CAST: variants seen among roughly 807,000 people sequenced by gnomAD.
CAST encodes the protein calpastatin.
A neutral mutation model predicts 119.6 loss-of-function variants in CAST; 76 were observed. The observed-to-expected ratio is 0.64, with a 90% CI of 0.53 to 0.77. The LOEUF (loss-of-function observed/expected upper bound fraction) is 0.77, where lower values mean the gene tolerates loss of function less well. Ranked by LOEUF, CAST falls within the 30% of genes least tolerant of loss-of-function variation. The probability of loss-of-function intolerance (pLI) is 0.00; values close to 1 mark genes in which losing one functional copy is unlikely to be tolerated. For missense variants in CAST, 953 were observed against 946.5 expected (o/e 1.01, Z -0.09); for synonymous variants, 319 against 331.6 (o/e 0.96, Z 0.41).
chr5:96,718,468 A>T (rs183451834), intron 3 of CAST, among the ~76,000 whole-genome samples: 1 of 152,196 alleles, frequency 6.6e-6, no homozygotes. Context: ...GCGATGAAAT[A>T]ATCTGTCCAC....
At chr5:96,654,185 GGCTAAATTTTTTT>G (rs1280299494) in intron 1 of CAST, among the ~76,000 whole-genome samples, 1 of 151,734 alleles carries the variant, frequency 6.6e-6, no homozygotes, top group Non-Finnish European at 1.5e-5. Context: ...CACCATGCCT[GGCTAAATTTTTTT>G]GTATTTTTAG....
At chr5:96,289,001 A>C in the CAST span, among the ~76,000 whole-genome samples, 1 of 152,152 alleles carries the variant, frequency 6.6e-6, no homozygotes, top group Non-Finnish European at 1.5e-5. Flanking sequence ...TTTGGATTGC[A>C]AAACCCACTG....
chr5:96,717,844 G>C (rs1349102673), intron 3 of CAST, among the ~76,000 whole-genome samples: 1 of 152,180 alleles, frequency 6.6e-6, no homozygotes, highest in Non-Finnish European at 1.5e-5. Flanking sequence ...AGGACTTATT[G>C]ATATTTCATC....
rs563299480 is a variant in CAST at position 96,695,900 on chromosome 5, C to A, written c.203C>A (p.Ala68Asp). Residue 68 changes from alanine to aspartate, a missense_variant, in exon 3 of 32, where the codon GCC (alanine) becomes GAC (aspartate). Transcript: ENST00000675179. ...SRTYAGGTAS[A>D]TKVSASSGAT... ...ACCTATGCTGGTGGAACAGCCTCGG[C>A]CACCAAGGTCAGTGATTTCCTGAAC... is the stretch of plus-strand genomic sequence containing the variant. 1 of 1,610,772 alleles carries A rather than the reference C, an allele frequency of 6.2e-7. No homozygotes were observed. Among genetic ancestry groups the A allele is most frequent in the African/African-American group, 1.3e-5 (1 of 74,844 alleles).
the CAST span, among the ~76,000 whole-genome samples, chr5:96,057,065 T>A: frequency 6.6e-6 from 1 of 152,016 alleles, no homozygotes; most frequent in Non-Finnish European, 1.5e-5. Flanking sequence ...AAAAAGAAAG[T>A]GATGTATGGA....
At chr5:96,578,893 A>C (rs979545344) in intron 1 of CAST, among the ~76,000 whole-genome samples, 1 of 152,152 alleles carries the variant, frequency 6.6e-6, no homozygotes, top group Non-Finnish European at 1.5e-5. Context: ...TTACTTTTGC[A>C]GGCTATGATT....
At chr5:96,571,001 A>C (rs1340672748) in intron 1 of CAST, among the ~76,000 whole-genome samples, 1 of 152,190 alleles carries the variant, frequency 6.6e-6, no homozygotes, top group Admixed American at 6.5e-5. Flanking sequence ...ATATTACACA[A>C]GGTGGAAACA....
the CAST span, among the ~76,000 whole-genome samples, chr5:96,135,880 G>C: frequency 6.6e-6 from 1 of 152,106 alleles, no homozygotes; most frequent in African/African-American, 2.4e-5. Context: ...AACCAACATG[G>C]TGAAACCCCA....
the CAST span, among the ~76,000 whole-genome samples, chr5:96,402,560 G>T: frequency 6.6e-6 from 1 of 152,122 alleles, no homozygotes; most frequent in Non-Finnish European, 1.5e-5. Context: ...CCATAAAATT[G>T]CCAGAGCCTT....
intron 3 of CAST, among the ~76,000 whole-genome samples, chr5:96,719,804 A>G (rs1757899181): frequency 6.6e-6 from 1 of 152,168 alleles, no homozygotes; most frequent in South Asian, 2.1e-4. Flanking sequence ...TAGAAGTCAG[A>G]TGGCCAAGCT....
intron 2 of CAST, among the ~76,000 whole-genome samples, chr5:96,694,163 A>G (rs779107037): frequency 1.5e-4 from 23 of 152,260 alleles, no homozygotes; most frequent in Admixed American, 1.3e-4. Context: ...TCTAAATATT[A>G]AAGAATGAAA....
the CAST span, among the ~76,000 whole-genome samples, chr5:96,505,021 G>A: frequency 6.6e-6 from 1 of 152,114 alleles, no homozygotes; most frequent in African/African-American, 2.4e-5. Flanking sequence ...ATGGATCATT[G>A]ATGTATTTCC....
Position 96,773,375 on chromosome 5 carries a change from C to A in CAST, c.*759C>A, listed in dbSNP as rs375504648. ...AGATAAGTCCTTGTGTAGCAAATTT[C>A]GAGCATAAGAAATAAAATCTAATTA... On this transcript the variant is annotated 3_prime_UTR_variant, in exon 32 of 32. Coordinates refer to ENST00000675179, the MANE Select transcript of CAST (RefSeq NM_001750.7). The A allele has an allele frequency of 6.5e-6, 1 of 153,062 alleles. No homozygotes were observed. Among genetic ancestry groups the A allele is most frequent in the African/African-American group, 2.4e-5 (1 of 41,424 alleles). The allele number at this position is 153,062 out of a possible 1,614,324, so 9.5% of individuals were successfully genotyped here.
the CAST span, among the ~76,000 whole-genome samples, chr5:96,486,634 C>G: frequency 6.6e-6 from 1 of 152,174 alleles, no homozygotes; most frequent in African/African-American, 2.4e-5. Context: ...TCCACTGCAT[C>G]AGCATTTCTA....
At chr5:96,497,175 T>A in the CAST span, among the ~76,000 whole-genome samples, 10 of 151,962 alleles carry the variant, frequency 6.6e-5, no homozygotes, top group Non-Finnish European at 1.3e-4. Context: ...CCATGTCCCT[T>A]CAAAGGACAT....
the CAST span, among the ~76,000 whole-genome samples, chr5:96,358,512 G>A: frequency 3.9e-5 from 6 of 152,162 alleles, no homozygotes; most frequent in Non-Finnish European, 8.8e-5. Context: ...CTGTGTCGCA[G>A]AGATTCTGGT....
chr5:96,637,970 C>A (rs1325364315), intron 1 of CAST, among the ~76,000 whole-genome samples: 1 of 152,110 alleles, frequency 6.6e-6, no homozygotes, highest in Non-Finnish European at 1.5e-5. Flanking sequence ...ACCCTGAGTG[C>A]AAATTTTGGA....
At chr5:96,389,556 G>A in the CAST span, among the ~76,000 whole-genome samples, 1 of 152,158 alleles carries the variant, frequency 6.6e-6, no homozygotes, top group South Asian at 2.1e-4. Flanking sequence ...GGGGAGAAAG[G>A]TCAGATTCTG....
At chr5:96,434,392 C>A in the CAST span, among the ~76,000 whole-genome samples, 2 of 152,206 alleles carry the variant, frequency 1.3e-5, no homozygotes, top group Non-Finnish European at 2.9e-5. Context: ...AGACCTCCAC[C>A]CTTCTGCAGC....
Sources: allele counts gnomAD v4.1 joint callset (sites outside exome capture counted in the v4.1 genomes callset), GRCh38; gene constraint gnomAD v4.1.1; transcripts MANE v1.5; gene names NCBI Gene and HGNC (gene_info 2026-07-23, HGNC 2026-07-21).